CDYL: variants seen among roughly 807,000 people sequenced by gnomAD.
CDYL encodes the protein chromodomain Y-like protein.
CDYL carries 8 observed loss-of-function variants against 47.3 expected under a neutral mutation model. The observed-to-expected ratio is 0.17, with a 90% CI of 0.10 to 0.31. The LOEUF is 0.31. Ranked by LOEUF, CDYL falls within the 10% of genes least tolerant of loss-of-function variation. CDYL has a pLI of 1.00. For synonymous variants in CDYL, 266 were observed against 265.0 expected (o/e 1.00, Z -0.04); for missense variants, 471 against 701.4 (o/e 0.67, Z 3.71).
chr6:4,867,857 A>T (rs1761365192), intron 1 of CDYL, among the ~76,000 whole-genome samples: 1 of 150,180 alleles, frequency 6.7e-6, no homozygotes, highest in Admixed American at 6.6e-5. Flanking sequence ...TTTCCTAGGA[A>T]TTTTTGCATT....
At chr6:4,942,830 C>A (rs935257575) in intron 4 of CDYL, among the ~76,000 whole-genome samples, 1 of 152,224 alleles carries the variant, frequency 6.6e-6, no homozygotes, top group African/African-American at 2.4e-5. Flanking sequence ...CCTCCGAACT[C>A]CTGCTGCAGC....
chr6:4,950,958 C>A (rs1328575820), intron 5 of CDYL, among the ~76,000 whole-genome samples: 1 of 151,684 alleles, frequency 6.6e-6, no homozygotes, highest in Non-Finnish European at 1.5e-5. Flanking sequence ...ACTTGCAAAC[C>A]CTCATGAGGA....
chr6:4,882,831 T>G (rs1271858872), intron 1 of CDYL, among the ~76,000 whole-genome samples: 1 of 152,210 alleles, frequency 6.6e-6, no homozygotes, highest in Non-Finnish European at 1.5e-5. Flanking sequence ...ATTCCAGCTC[T>G]TACTGCCCCA....
At chr6:4,721,525 A>C (rs375348448) in intron 2 of CDYL, among the ~76,000 whole-genome samples, 22 of 152,170 alleles carry the variant, frequency 1.4e-4, no homozygotes. Context: ...CTGGGATTAC[A>C]GGTGTGTGCC....
intron 2 of CDYL, among the ~76,000 whole-genome samples, chr6:4,732,556 G>A (rs1426978178): frequency 6.6e-6 from 1 of 151,860 alleles, no homozygotes; most frequent in Non-Finnish European, 1.5e-5. Context: ...TAGCTACTCA[G>A]GAGGCTGAGG....
At chr6:4,858,997 C>G (rs1336796112) in intron 1 of CDYL, among the ~76,000 whole-genome samples, 1 of 152,184 alleles carries the variant, frequency 6.6e-6, no homozygotes, top group African/African-American at 2.4e-5. Context: ...TGGGCTGGTT[C>G]ATGACTGATG....
intron 1 of CDYL, among the ~76,000 whole-genome samples, chr6:4,821,038 A>G (rs1266234913): frequency 6.6e-6 from 1 of 152,020 alleles, no homozygotes; most frequent in African/African-American, 2.4e-5. Flanking sequence ...CTGGCTTTTG[A>G]TTGTATTCAT....
intron 1 of CDYL, among the ~76,000 whole-genome samples, chr6:4,784,619 A>AT (rs1214058351): frequency 3.3e-5 from 5 of 152,208 alleles, no homozygotes; most frequent in Admixed American, 1.3e-4. Flanking sequence ...ATGCCTTGAT[A>AT]TATAGTCTTG....
intron 3 of CDYL, among the ~76,000 whole-genome samples, chr6:4,749,773 C>A (rs564571836): frequency 1.2e-4 from 18 of 152,134 alleles, no homozygotes; most frequent in Admixed American, 2.6e-4. Flanking sequence ...ATGTGTTAAA[C>A]GCCAGGTGAC....
intron 3 of CDYL, among the ~76,000 whole-genome samples, chr6:4,759,857 C>A (rs1370795587): frequency 3.3e-5 from 2 of 59,952 alleles, no homozygotes; most frequent in Non-Finnish European, 7.3e-5. Context: ...CCAGCCTGGG[C>A]AACAAGAGAG....
chr6:4,787,765 C>CTT (rs70974136), intron 1 of CDYL, among the ~76,000 whole-genome samples: 15,713 of 69,154 alleles, frequency 0.23, 606 homozygotes, highest in Non-Finnish European at 0.29. Flanking sequence ...AAATTCAAGT[C>CTT]TTTTTTTTTT....
chr6:4,831,374 A>C (rs571083156), intron 1 of CDYL, among the ~76,000 whole-genome samples: 4,012 of 152,210 alleles, frequency 0.026, 178 homozygotes, highest in African/African-American at 0.091. Context: ...GGTTTGTCAA[A>C]GATCAGATAG....
intron 2 of CDYL, among the ~76,000 whole-genome samples, chr6:4,900,829 A>ATATC (rs1757026164): frequency 1.2e-5 from 1 of 80,252 alleles, no homozygotes; most frequent in Non-Finnish European, 2.5e-5. Context: ...ATATATATAT[A>ATATC]TCTTGCCTGT....
rs529372681 is a variant in CDYL at position 4,727,144 on chromosome 6, A to C, written c.104-7618A>C. The stretch of plus-strand genomic sequence containing the variant: ...CCAAATGTATCTCCACTTCCCTGAC[A>C]CAAAGTAGCTATCTGCCAACACAAG... On this transcript the variant is annotated intron_variant, in intron 2 of 8. Coordinates refer to the CDYL transcript ENST00000328908. Among the ~76,000 whole-genome samples, 216 of 152,304 alleles carry C rather than the reference A, an allele frequency of 1.4e-3. 4 individuals are homozygous for C. The highest frequency in any genetic ancestry group is 4.8e-3 in the African/African-American group (198 of 41,532).
chr6:4,738,843 A>G (rs1757747450), intron 3 of CDYL, among the ~76,000 whole-genome samples: 1 of 152,260 alleles, frequency 6.6e-6, no homozygotes, highest in South Asian at 2.1e-4. Context: ...AACCAGATTT[A>G]TACGTAGCGA....
chr6:4,793,408 A>G (rs1166006113), intron 1 of CDYL, among the ~76,000 whole-genome samples: 1 of 152,034 alleles, frequency 6.6e-6, no homozygotes, highest in Non-Finnish European at 1.5e-5. Context: ...TGATAGGGTA[A>G]CATTTGGGAC....
At chr6:4,715,094 C>T (rs564135374) in intron 1 of CDYL, among the ~76,000 whole-genome samples, 2 of 152,224 alleles carry the variant, frequency 1.3e-5, no homozygotes, top group Non-Finnish European at 2.9e-5. Flanking sequence ...GCACGCCCAA[C>T]CACTCGCCAC....
intron 1 of CDYL, among the ~76,000 whole-genome samples, chr6:4,815,632 G>T (rs967450764): frequency 6.7e-5 from 10 of 149,758 alleles, no homozygotes; most frequent in African/African-American, 2.5e-4. Context: ...TAATCTAATG[G>T]ACAGAAATTG....
At chr6:4,790,587 G>A (rs1012292267) in intron 1 of CDYL, among the ~76,000 whole-genome samples, 1 of 152,172 alleles carries the variant, frequency 6.6e-6, no homozygotes, top group Non-Finnish European at 1.5e-5. Context: ...GAGCAGACTT[G>A]ACTAAAGCAA....
Sources: gnomAD v4.1 joint callset for allele counts (sites outside exome capture counted in the v4.1 genomes callset) on GRCh38, gnomAD v4.1.1 for gene constraint, MANE v1.5 for transcripts, NCBI Gene and HGNC (gene_info 2026-07-23, HGNC 2026-07-21) for gene names.